The following NUP188 variants were observed in gnomAD, a reference collection of about 807,000 sequenced individuals.
NUP188 encodes the protein nucleoporin 188.
In NUP188, 97 loss-of-function variants were observed where a neutral mutation model predicts 223.0. That is an observed-to-expected ratio of 0.43 (90% CI 0.37 to 0.51). The LOEUF is 0.51. Among genes scored for constraint, NUP188 ranks in the 20% least tolerant of loss-of-function variants. The pLI is 0.00. For synonymous variants in NUP188, 869 were observed against 828.0 expected (o/e 1.05, Z -0.85); for missense variants, 1,947 against 2,175.6 (o/e 0.89, Z 2.09).
intron 30 of NUP188, 84 bp downstream of exon 30, chr9:128,995,598 G>T: frequency 8.4e-7 from 1 of 1,183,886 alleles, no homozygotes; most frequent in South Asian, 1.5e-5. Context: ...AGCTCCTTGT[G>T]CGGAAGAATT....
At chr9:128,973,884 T>C (rs1842136238) in intron 12 of NUP188, among the ~76,000 whole-genome samples, 1 of 152,214 alleles carries the variant, frequency 6.6e-6, no homozygotes, top group African/African-American at 2.4e-5. Flanking sequence ...ATTTACTATT[T>C]TTAAAATTTC....
chr9:128,997,365 C>T (rs1419072703), intron 30 of NUP188, among the ~76,000 whole-genome samples: 1 of 152,162 alleles, frequency 6.6e-6, no homozygotes, highest in African/African-American at 2.4e-5. Context: ...GTTTCCCGGG[C>T]ACTGGGAAGC....
chr9:128,996,988 AATT>A (rs1842538186), intron 30 of NUP188, among the ~76,000 whole-genome samples: 1 of 152,190 alleles, frequency 6.6e-6, no homozygotes, highest in Non-Finnish European at 1.5e-5. Context: ...GGAGGAGGTA[AATT>A]ATAAACAAAT....
chr9:128,972,143 A>T (rs1435818076), intron 11 of NUP188, among the ~76,000 whole-genome samples: 2 of 152,250 alleles, frequency 1.3e-5, no homozygotes, highest in Admixed American at 6.5e-5. Flanking sequence ...ACACAAAAAC[A>T]TACACACAGA....
At chr9:128,966,168 T>TGTGTGCGC (rs1316335087) in intron 8 of NUP188, among the ~76,000 whole-genome samples, 4 of 128,738 alleles carry the variant, frequency 3.1e-5, no homozygotes, top group African/African-American at 8.7e-5. Flanking sequence ...TGTGTGTGTG[T>TGTGTGCGC]GCGTGTGCCC....
At chr9:128,995,627 AGAG>A in intron 30 of NUP188, 113 bp downstream of exon 30, 6 of 926,554 alleles carry the variant, frequency 6.5e-6, no homozygotes, top group Non-Finnish European at 8.2e-6. Flanking sequence ...TTTATCCCTG[AGAG>A]CTAAACTGTA....
At chr9:128,995,648 C>T (rs972426573) in intron 30 of NUP188, 134 bp downstream of exon 30, 1 of 759,680 alleles carries the variant, frequency 1.3e-6, no homozygotes, top group South Asian at 1.8e-5. Context: ...GTAATAGGTT[C>T]TATGCTGAGA....
chr9:128,971,383 G>C (rs117069151), intron 11 of NUP188, among the ~76,000 whole-genome samples: 142 of 152,220 alleles, frequency 9.3e-4, no homozygotes, highest in Non-Finnish European at 1.4e-3. Context: ...CTTATGTTGG[G>C]GTTTGAGTGG....
chr9:128,961,622 A>T (rs1430523225), intron 8 of NUP188, among the ~76,000 whole-genome samples: 3 of 133,956 alleles, frequency 2.2e-5, no homozygotes, highest in Admixed American at 7.5e-5. Context: ...AGATAGATAG[A>T]TTTTTTTTTT....
Position 128,999,211 on chromosome 9 carries a change from G to A in NUP188, c.3555G>A (p.Thr1185=), listed in dbSNP as rs760125179. The change falls in exon 33 of 44, where the codon ACG becomes ACA. Residue 1185 remains threonine, a synonymous_variant. Coordinates refer to ENST00000372577, the MANE Select transcript of NUP188 (RefSeq NM_015354.3). The stretch of plus-strand genomic sequence containing the variant: ...TGGATGAAATCCTTGGACCCTTGAC[G>A]GAGATCCTGGAGGGAGTGCTGCAGG... ...GSVDEILGPL[T]EILEGVLQAD... is the part of the protein sequence containing the mutation. The A allele has an allele frequency of 5.6e-6, 9 of 1,613,998 alleles. No individual in the cohort carries two copies. The highest frequency in any genetic ancestry group is 7.6e-6 in the Non-Finnish European group (9 of 1,180,004).
At chr9:129,002,001 G>A in intron 36 of NUP188, 25 bp downstream of exon 36, 1 of 1,590,422 alleles carries the variant, frequency 6.3e-7, no homozygotes, top group Non-Finnish European at 8.6e-7. Context: ...CTTGCCAGGA[G>A]GCCCAGCCTG....
Position 128,969,406 on chromosome 9 carries a change from C to A in NUP188, c.804C>A (p.Phe268Leu), listed in dbSNP as rs1466579378. The change falls in exon 10 of 44, where the codon TTC becomes TTA. Residue 268 changes from phenylalanine to leucine, a missense_variant. Physicochemically the swap from Phe to Leu is conservative, Grantham distance 22. Around this residue, in one of 3 missense-constraint regions of NUP188, gnomAD observed 817 missense variants for 865.8 expected, o/e 0.94. Transcript: ENST00000372577. ...MDPFVDRIGY[F>L]SALILVEGMD... is the part of the protein sequence containing the mutation. ...ATACTATTTTTCTTTCTAGCTACTT[C>A]AGTGCCCTCATCCTGGTGGAGGGCA... 13 of 1,605,710 alleles carry A rather than the reference C, an allele frequency of 8.1e-6. No homozygotes were observed. The highest frequency in any genetic ancestry group is 1.1e-5 in the Non-Finnish European group (13 of 1,173,156).
In NUP188 at chr9:128,968,737, A is replaced by T. The variant is rs1038919204; in HGVS notation, c.797+20A>T. 14 of 1,571,482 alleles carry T rather than the reference A, an allele frequency of 8.9e-6. No individual in the cohort carries two copies. Among genetic ancestry groups the T allele is most frequent in the Middle Eastern group, 1.7e-4 (1 of 5,998 alleles). ...GATTGGGTAAGTCAGTGAATTGAAC[A>T]TCATGGAACTTGCAGTGTTTAGAGC... On this transcript the variant is annotated intron_variant, in intron 9 of 43. Coordinates refer to ENST00000372577, the MANE Select transcript of NUP188 (RefSeq NM_015354.3).
rs749275147 is a variant in NUP188, at chr9:128,968,497, G to A, written c.586-9G>A. 2 of 1,610,224 alleles carry A rather than the reference G, an allele frequency of 1.2e-6. No homozygotes were observed. ...TTTCTCTCCCATTTTGTTTTCATTG[G>A]TTGTACAGACAGAGCGCCAAGTGTC... is the stretch of plus-strand genomic sequence containing the variant. On this transcript the variant is annotated splice_polypyrimidine_tract_variant and intron_variant, in intron 8 of 43. Transcript: ENST00000372577.
At chr9:128,968,859 A>G (rs1299270281) in intron 9 of NUP188, 142 bp downstream of exon 9, 2 of 643,600 alleles carry the variant, frequency 3.1e-6, no homozygotes, top group South Asian at 1.9e-5. Context: ...CCTTTCATGC[A>G]GGGAGTAAAG....
At chr9:128,954,545 T>A (rs1263902120) in intron 3 of NUP188, among the ~76,000 whole-genome samples, 3 of 151,874 alleles carry the variant, frequency 2.0e-5, no homozygotes, top group African/African-American at 7.3e-5. Flanking sequence ...CCACCACGCC[T>A]GGCTAATTTT....
chr9:128,984,124 A>ATTTTTTTTTTTT lies in NUP188; in HGVS notation c.1961+582_1961+593dup, dbSNP rs1193631566. Among the ~76,000 whole-genome samples the ATTTTTTTTTTTT allele has an allele frequency of 5.2e-4, 48 of 93,050 alleles. 8 individuals carry two copies. Among genetic ancestry groups the ATTTTTTTTTTTT allele is most frequent in the East Asian group, 4.0e-3 (12 of 2,964 alleles). 61.0% of individuals were successfully genotyped at this position (93,050 alleles called of 152,430 possible). A position where few individuals can be genotyped will look rare whatever the true frequency, so the allele number is the denominator to read the frequency against. ...GGCGTGAGCCACCGCGCCTGGCCTG[A>ATTTTTTTTTTTT]TTTTTTTTTTTTTTTTTTTGAGATG... On this transcript the variant is annotated intron_variant, in intron 19 of 43. Coordinates refer to ENST00000372577, the MANE Select transcript of NUP188 (RefSeq NM_015354.3).
At chr9:129,002,252 T>C (rs1842684868) in intron 36 of NUP188, among the ~76,000 whole-genome samples, 1 of 152,220 alleles carries the variant, frequency 6.6e-6, no homozygotes, top group Non-Finnish European at 1.5e-5. Flanking sequence ...AACACATCCC[T>C]GGACCAGGCC....
chr9:128,952,743 C>T (rs371788963), intron 2 of NUP188, 30 bp from the exon 3 acceptor site: 1 of 1,572,458 alleles, frequency 6.4e-7, no homozygotes, highest in Non-Finnish European at 8.7e-7. Flanking sequence ...AAAAATACTG[C>T]ATTTGTATAA....
Sources: allele counts gnomAD v4.1 joint callset (sites outside exome capture counted in the v4.1 genomes callset), GRCh38; gene constraint gnomAD v4.1.1; regional missense constraint gnomAD v4.1.1; transcripts MANE v1.5; gene names NCBI Gene and HGNC (gene_info 2026-07-23, HGNC 2026-07-21).